Variants in SYT9 observed in about 807,000 individuals in gnomAD.
SYT9 encodes the protein synaptotagmin 9.
In SYT9, 22 loss-of-function variants were observed where a neutral mutation model predicts 48.4. The ratio of observed to expected loss-of-function variants is 0.45; its 90% CI spans 0.32 to 0.65. SYT9 has a LOEUF of 0.65. Ranked by LOEUF, SYT9 falls within the 30% of genes least tolerant of loss-of-function variation. The pLI is 0.03. For synonymous variants in SYT9, 265 were observed against 245.0 expected (o/e 1.08, Z -0.76); for missense variants, 577 against 622.0 (o/e 0.93, Z 0.77).
intron 3 of SYT9, among the ~76,000 whole-genome samples, chr11:7,406,489 T>C (rs540126155): frequency 6.6e-6 from 1 of 150,762 alleles, no homozygotes; most frequent in Non-Finnish European, 1.5e-5. Flanking sequence ...TTGCTGCAAA[T>C]GACATGATTT....
chr11:7,406,271 A>C (rs978942659), intron 3 of SYT9, among the ~76,000 whole-genome samples: 1 of 151,938 alleles, frequency 6.6e-6, no homozygotes, highest in East Asian at 1.9e-4. Flanking sequence ...CTATTCTTCT[A>C]TCAAACTGTA....
chr11:7,353,950 T>G (rs1589966741), intron 3 of SYT9, among the ~76,000 whole-genome samples: 1 of 152,226 alleles, frequency 6.6e-6, no homozygotes, highest in Non-Finnish European at 1.5e-5. Flanking sequence ...AAATATTGTC[T>G]TTGAACTATC....
chr11:7,356,576 C>T (rs1319441563), intron 3 of SYT9, among the ~76,000 whole-genome samples: 5 of 152,140 alleles, frequency 3.3e-5, no homozygotes, highest in African/African-American at 1.2e-4. Flanking sequence ...ATGCTCCTTT[C>T]CTTTTGTGAT....
intron 3 of SYT9, among the ~76,000 whole-genome samples, chr11:7,368,007 CA>C (rs1850284438): frequency 2.0e-5 from 3 of 152,168 alleles, no homozygotes; most frequent in Admixed American, 2.0e-4. Flanking sequence ...AACTGAAACA[CA>C]AATGTTTAAG....
At chr11:7,398,169 A>T (rs546546317) in intron 3 of SYT9, among the ~76,000 whole-genome samples, 64 of 152,256 alleles carry the variant, frequency 4.2e-4, no homozygotes, top group African/African-American at 1.4e-3. Flanking sequence ...TTCTATCCTG[A>T]ATAAATATTG....
At position 7,420,506 on chromosome 11, in the gene SYT9, T is replaced by C. The variant is rs11041372; in HGVS notation, c.1338T>C (p.Arg446=). 0.12 allele frequency: 186,173 copies of C among 1,613,972 alleles called. 11,082 individuals are homozygous for C. The highest frequency in any genetic ancestry group is 0.14 in the Middle Eastern group (859 of 6,062). Residue 446 remains arginine (R), a splice_region_variant and synonymous_variant, in exon 6 of 7, where the codon CGT becomes CGC. Coordinates refer to ENST00000318881, the MANE Select transcript of SYT9 (RefSeq NM_175733.4). ...HLSIAVMDYD[R]VGHNEIIGVC... Reference sequence around the variant, plus strand: ...AAACTATTGTGGGCCATTTTCACAGTGTAGGTCACAATGAGATCATCGGCG... The same window carrying C: ...AAACTATTGTGGGCCATTTTCACAGCGTAGGTCACAATGAGATCATCGGCG...
chr11:7,311,845 A>G (rs1849140073), intron 2 of SYT9, among the ~76,000 whole-genome samples: 1 of 152,128 alleles, frequency 6.6e-6, no homozygotes, highest in South Asian at 2.1e-4. Flanking sequence ...CTAGCACTAC[A>G]TTGGTTCCAC....
chr11:7,357,621 G>C (rs1850046445), intron 3 of SYT9, among the ~76,000 whole-genome samples: 2 of 151,924 alleles, frequency 1.3e-5, no homozygotes, highest in Admixed American at 6.6e-5. Context: ...TCCATCAATT[G>C]CATCAATATA....
At chr11:7,387,030 C>G (rs1850674549) in intron 3 of SYT9, among the ~76,000 whole-genome samples, 1 of 152,172 alleles carries the variant, frequency 6.6e-6, no homozygotes. Flanking sequence ...CCATCATTCT[C>G]AGCAAACTAT....
chr11:7,284,222 G>A (rs1564846941), intron 1 of SYT9, among the ~76,000 whole-genome samples: 1 of 152,062 alleles, frequency 6.6e-6, no homozygotes, highest in Non-Finnish European at 1.5e-5. Flanking sequence ...TTTGCATTGA[G>A]AAGCCAACTT....
intron 1 of SYT9, among the ~76,000 whole-genome samples, chr11:7,256,925 G>A (rs1847982360): frequency 6.6e-6 from 1 of 152,092 alleles, no homozygotes; most frequent in Admixed American, 6.5e-5. Flanking sequence ...GCTTTTTCTA[G>A]GTCATGGTTT....
intron 3 of SYT9, among the ~76,000 whole-genome samples, chr11:7,394,057 C>T (rs1397739573): frequency 6.6e-6 from 1 of 151,720 alleles, no homozygotes; most frequent in African/African-American, 2.4e-5. Context: ...GTGTGCTGCA[C>T]CCATTAACTC....
chr11:7,416,571 A>G (rs570005807), intron 4 of SYT9, among the ~76,000 whole-genome samples: 2 of 152,364 alleles, frequency 1.3e-5, no homozygotes, highest in South Asian at 2.1e-4. Context: ...AATAAAAATA[A>G]TACAGTTTTT....
intron 6 of SYT9, among the ~76,000 whole-genome samples, chr11:7,459,936 C>G (rs1232064178): frequency 1.3e-5 from 2 of 152,280 alleles, no homozygotes; most frequent in Non-Finnish European, 1.5e-5. Context: ...AGACTTCTAG[C>G]CTCTAGAACT....
chr11:7,437,410 A>G (rs2134128483), intron 6 of SYT9, among the ~76,000 whole-genome samples: 1 of 152,344 alleles, frequency 6.6e-6, no homozygotes, highest in Admixed American at 6.5e-5. Context: ...AACGTGATGC[A>G]CTTTTTAATT....
At chr11:7,282,038 GCTAA>G (rs1157116660) in intron 1 of SYT9, among the ~76,000 whole-genome samples, 1 of 152,122 alleles carries the variant, frequency 6.6e-6, no homozygotes, top group Admixed American at 6.5e-5. Flanking sequence ...GCTTTAAGTT[GCTAA>G]CTGTTCTTCC....
At chr11:7,248,080 A>G (rs1847817098), upstream of SYT9, among the ~76,000 whole-genome samples, 1 of 152,034 alleles carries the variant, frequency 6.6e-6, no homozygotes, top group Non-Finnish European at 1.5e-5. Context: ...GTTCATTAGT[A>G]TGTTGACCAT....
At chr11:7,421,882 A>G (rs1481268694) in intron 6 of SYT9, among the ~76,000 whole-genome samples, 3 of 152,236 alleles carry the variant, frequency 2.0e-5, no homozygotes, top group African/African-American at 7.2e-5. Flanking sequence ...AAGTGCTACA[A>G]AAGCGCAAAG....
chr11:7,383,635 C>T (rs944017010), intron 3 of SYT9, among the ~76,000 whole-genome samples: 5 of 151,810 alleles, frequency 3.3e-5, no homozygotes, highest in Admixed American at 2.0e-4. Flanking sequence ...ATAACAGCTA[C>T]GTCATGTTCA....
Sources: gnomAD v4.1 joint callset for allele counts (sites outside exome capture counted in the v4.1 genomes callset) on GRCh38, gnomAD v4.1.1 for gene constraint, MANE v1.5 for transcripts, NCBI Gene and HGNC (gene_info 2026-07-23, HGNC 2026-07-21) for gene names.